The following P4HA3 variants were observed in gnomAD, a reference collection of about 807,000 sequenced individuals.
P4HA3 encodes the protein prolyl 4-hydroxylase subunit alpha 3, also known as prolyl 4-hydroxylase subunit alpha-3.
Under a neutral mutation model 66.7 loss-of-function variants are expected in P4HA3, and 60 were observed. That is an observed-to-expected ratio of 0.90 (90% CI 0.73 to 1.12). P4HA3 has a LOEUF of 1.12. Ranked by LOEUF, P4HA3 falls within the 50% of genes most tolerant of loss-of-function variation. The pLI is 0.00. For synonymous variants in P4HA3, 263 were observed against 274.6 expected (o/e 0.96, Z 0.42); for missense variants, 683 against 685.8 (o/e 1.00, Z 0.05).
At chr11:74,261,073 G>T (rs892472154) in intron 14 of P4HA3, among the ~76,000 whole-genome samples, 2 of 152,206 alleles carry the variant, frequency 1.3e-5, no homozygotes, top group African/African-American at 4.8e-5. Flanking sequence ...GCATTCAGGG[G>T]TTCTTGAGCT....
rs1309631771 is a variant in P4HA3, at chr11:74,297,025, G to A, written c.717+1187C>T. Among the ~76,000 whole-genome samples, 3 of 148,732 alleles carry A rather than the reference G, an allele frequency of 2.0e-5. 1 individual carries two copies. The highest frequency in any genetic ancestry group is 7.1e-3 in the Middle Eastern group (2 of 280). ...CTGCTCACCACAACTTCCACCTCTC[G>A]GGCTCAAGCGATTCTCCTGCCTCAG... On this transcript the variant is annotated intron_variant, in intron 4 of 12. Coordinates refer to ENST00000331597, the MANE Select transcript of P4HA3 (RefSeq NM_182904.5).
intron 11 of P4HA3, 42 bp from the exon 12 acceptor site, chr11:74,268,283 A>G: frequency 1.3e-6 from 2 of 1,522,048 alleles, no homozygotes; most frequent in African/African-American, 2.7e-5. Context: ...TCAGCCCAGA[A>G]CCTCAGTCCT....
chr11:74,272,291 G>A (rs990366079), intron 10 of P4HA3, among the ~76,000 whole-genome samples: 3 of 151,928 alleles, frequency 2.0e-5, no homozygotes, highest in South Asian at 2.1e-4. Flanking sequence ...CGCTACCTTC[G>A]CTATAGTAAC....
intron 15 of P4HA3, chr11:74,251,563 C>T: frequency 6.4e-7 from 1 of 1,567,658 alleles, no homozygotes; most frequent in Admixed American, 1.8e-5. Context: ...ACCGTAGAGC[C>T]TAACCATCTA....
rs141512905 is a variant in P4HA3, at chr11:74,267,014, C to A, written c.*234G>T. 6.0e-6 allele frequency: 9 copies of A among 1,512,264 alleles called. No individual in the cohort carries two copies. Among genetic ancestry groups the A allele is most frequent in the Non-Finnish European group, 7.9e-6 (9 of 1,132,476 alleles). The allele number at this position is 1,512,264 out of a possible 1,614,324, so 93.7% of individuals were successfully genotyped here. On this transcript the variant is annotated 3_prime_UTR_variant, in exon 13 of 13. Transcript: ENST00000331597. The stretch of plus-strand genomic sequence containing the variant: ...TTCCCTCTCAGGCCTCCACTCCCCC[C>A]TCCTTTGTACTGTGCATCCTACTCT...
At chr11:74,289,352 C>A (rs1452172951) in intron 4 of P4HA3, among the ~76,000 whole-genome samples, 1 of 152,110 alleles carries the variant, frequency 6.6e-6, no homozygotes, top group Non-Finnish European at 1.5e-5. Flanking sequence ...TTATGACCAC[C>A]CTTACCGGGC....
At chr11:74,292,506 G>C (rs1162141990) in intron 4 of P4HA3, among the ~76,000 whole-genome samples, 167 of 151,936 alleles carry the variant, frequency 1.1e-3, no homozygotes, top group Admixed American at 3.0e-3. Flanking sequence ...TGTGTTTGCT[G>C]TTGCTTCTCT....
intron 1 of P4HA3, among the ~76,000 whole-genome samples, chr11:74,306,634 A>G (rs75446449): frequency 0.041 from 6,198 of 152,234 alleles, 135 homozygotes; most frequent in Middle Eastern, 0.099. Context: ...GAAAGTGAAA[A>G]ATAGAGGAAG....
intron 8 of P4HA3, among the ~76,000 whole-genome samples, chr11:74,278,620 T>A (rs1860480820): frequency 1.3e-5 from 2 of 152,192 alleles, no homozygotes; most frequent in Admixed American, 1.3e-4. Context: ...GGCTGAATTT[T>A]CTCTCTGACA....
chr11:74,252,332 C>T (rs977090449), intron 15 of P4HA3: 2 of 412,622 alleles, frequency 4.8e-6, no homozygotes, highest in African/African-American at 2.0e-5. Context: ...AAGTGATCCA[C>T]CCGCATCGGC....
chr11:74,251,426 T>A (rs1859657443), intron 15 of P4HA3: 3 of 1,398,234 alleles, frequency 2.1e-6, no homozygotes, highest in Admixed American at 3.0e-5. Context: ...GCCCTTCACG[T>A]CATTCCTCTT....
chr11:74,289,338 T>C (rs1394023829), intron 4 of P4HA3, among the ~76,000 whole-genome samples: 1 of 152,156 alleles, frequency 6.6e-6, no homozygotes, highest in Non-Finnish European at 1.5e-5. Flanking sequence ...CATTTACTAA[T>C]GACTTATGAC....
At chr11:74,298,518 C>T (rs756573159) in intron 3 of P4HA3, among the ~76,000 whole-genome samples, 157 bp from the exon 4 acceptor site, 12 of 152,168 alleles carry the variant, frequency 7.9e-5, no homozygotes, top group East Asian at 1.9e-4. Context: ...CTATATACAA[C>T]GCATTGTACT....
At chr11:74,308,350 C>T (rs1437208285) in intron 1 of P4HA3, among the ~76,000 whole-genome samples, 2 of 151,972 alleles carry the variant, frequency 1.3e-5, no homozygotes, top group Admixed American at 1.3e-4. Flanking sequence ...CCGTCTCTAC[C>T]AAATCAAACC....
chr11:74,280,810 C>T (rs187127229), intron 7 of P4HA3, among the ~76,000 whole-genome samples: 1 of 152,342 alleles, frequency 6.6e-6, no homozygotes, highest in African/African-American at 2.4e-5. Context: ...TTCTCTGAAG[C>T]TTCCATAATG....
intron 3 of P4HA3, among the ~76,000 whole-genome samples, chr11:74,300,497 T>A (rs997690295): frequency 1.3e-4 from 20 of 152,242 alleles, no homozygotes; most frequent in African/African-American, 4.8e-4. Context: ...GGCACACCTG[T>A]AGTCCTAGCT....
rs376638923 is a variant in P4HA3 at position 74,267,414 on chromosome 11, C to T, written c.1565-96G>A. ...GCGCACTCATAGGCGCGTGTGAGTG[C>T]CCCCTTAAATTCTGCATCCTAGGTA... is the stretch of plus-strand genomic sequence containing the variant. On this transcript the variant is annotated intron_variant, in intron 12 of 12. Transcript: ENST00000331597. 2.3e-4 allele frequency: 336 copies of T among 1,449,824 alleles called. 3 individuals carry two copies. The South Asian group carries it at 4.2e-3, about 18-fold the overall frequency. The allele number at this position is 1,449,824 out of a possible 1,614,324, so 89.8% of individuals were successfully genotyped here.
Sources: gnomAD v4.1 joint callset for allele counts (sites outside exome capture counted in the v4.1 genomes callset) on GRCh38, gnomAD v4.1.1 for gene constraint, MANE v1.5 for transcripts, NCBI Gene and HGNC (gene_info 2026-07-23, HGNC 2026-07-21) for gene names.